CFAP54: variants seen among roughly 807,000 people sequenced by gnomAD.
CFAP54 encodes the protein cilia- and flagella-associated protein 54.
In CFAP54, 290 loss-of-function variants were observed where a neutral mutation model predicts 370.4. The observed-to-expected ratio is 0.78, with a 90% CI of 0.71 to 0.86. CFAP54 has a LOEUF of 0.86. Among genes scored for constraint, CFAP54 ranks in the 40% least tolerant of loss-of-function variants. The pLI is 0.00. For missense variants in CFAP54, 3,399 were observed against 3,528.7 expected (o/e 0.96, Z 0.93); for synonymous variants, 1,206 against 1,236.5 (o/e 0.98, Z 0.52).
chr12:96,788,315 C>T (rs1260392927), intron 62 of CFAP54, among the ~76,000 whole-genome samples: 6 of 152,066 alleles, frequency 3.9e-5, no homozygotes, highest in Admixed American at 2.0e-4. Flanking sequence ...TTTTCTGCTT[C>T]GTAGATACAG....
intron 23 of CFAP54, among the ~76,000 whole-genome samples, chr12:96,591,112 G>A (rs117662686): frequency 0.023 from 3,521 of 152,266 alleles, 67 homozygotes; most frequent in Non-Finnish European, 0.039. Context: ...TCCAGAAAAT[G>A]AAAGTCCAAG....
intron 32 of CFAP54, among the ~76,000 whole-genome samples, chr12:96,639,364 C>T (rs987130066): frequency 1.3e-5 from 2 of 152,148 alleles, no homozygotes; most frequent in Non-Finnish European, 2.9e-5. Flanking sequence ...ATACACTCTC[C>T]CAAGACTAAA....
rs746799817 is a variant in CFAP54, at chr12:96,651,831, T to C, written c.5100+16T>C. 3 of 1,457,828 alleles carry C rather than the reference T, an allele frequency of 2.1e-6. No homozygotes were observed. In the South Asian group the frequency reaches 3.5e-5, roughly 17 times the overall value. 90.3% of individuals were successfully genotyped at this position (1,457,828 alleles called of 1,614,324 possible). On this transcript the variant is annotated intron_variant, in intron 36 of 67. Coordinates refer to ENST00000524981, the MANE Select transcript of CFAP54 (RefSeq NM_001306084.2). ...TTCTATTAAGGTAAAGACACTTTGG[T>C]AATTATTTTTATTATATTCAGTTAA...
chr12:96,779,467 A>G (rs1452011458), intron 60 of CFAP54, among the ~76,000 whole-genome samples: 2 of 152,026 alleles, frequency 1.3e-5, no homozygotes. Flanking sequence ...ATATATTTGT[A>G]TGTGACATTT....
intron 50 of CFAP54, among the ~76,000 whole-genome samples, chr12:96,728,765 G>A (rs1957877250): frequency 6.6e-6 from 1 of 152,108 alleles, no homozygotes; most frequent in African/African-American, 2.4e-5. Flanking sequence ...GCTTTTTAGA[G>A]TTTCCAGTTT....
chr12:96,842,190 C>G (rs1171755531), intron 66 of CFAP54, among the ~76,000 whole-genome samples: 1 of 152,006 alleles, frequency 6.6e-6, no homozygotes. Flanking sequence ...TATATATATT[C>G]TTGATATTAT....
At chr12:96,494,264 T>A (rs1247820999) in intron 1 of CFAP54, among the ~76,000 whole-genome samples, 2 of 152,152 alleles carry the variant, frequency 1.3e-5, no homozygotes, top group African/African-American at 4.8e-5. Flanking sequence ...AGAGTTTGCA[T>A]TTATTCCATT....
intron 65 of CFAP54, among the ~76,000 whole-genome samples, chr12:96,819,576 C>T (rs1012610429): frequency 6.6e-6 from 1 of 152,146 alleles, no homozygotes; most frequent in African/African-American, 2.4e-5. Context: ...TTTCCCTTCT[C>T]TTCTATGTAT....
intron 38 of CFAP54, among the ~76,000 whole-genome samples, chr12:96,662,460 C>T (rs1957006079): frequency 1.3e-5 from 2 of 152,100 alleles, no homozygotes; most frequent in Admixed American, 6.6e-5. Context: ...CTGCCTTGGC[C>T]TCCCAGAGTG....
chr12:96,860,270 A>T (rs1217318989), intron 66 of CFAP54, among the ~76,000 whole-genome samples: 1 of 150,476 alleles, frequency 6.6e-6, no homozygotes, highest in Non-Finnish European at 1.5e-5. Flanking sequence ...TCTTTCCGTC[A>T]TTTTTGTTCT....
intron 48 of CFAP54, 33 bp from the exon 49 acceptor site, chr12:96,718,410 C>A: frequency 9.7e-7 from 1 of 1,027,918 alleles, no homozygotes; most frequent in Non-Finnish European, 1.5e-6. Context: ...CCATAGATAT[C>A]CTTGGTCCTT....
chr12:96,845,533 A>T (rs1269036803), intron 66 of CFAP54, among the ~76,000 whole-genome samples: 1 of 152,188 alleles, frequency 6.6e-6, no homozygotes, highest in Admixed American at 6.5e-5. Flanking sequence ...TGGGAGTACA[A>T]AGACCCAACC....
At chr12:96,663,054 T>C (rs191036546) in intron 38 of CFAP54, among the ~76,000 whole-genome samples, 13 of 152,312 alleles carry the variant, frequency 8.5e-5, no homozygotes, top group Admixed American at 8.5e-4. Context: ...GTAACAGTGT[T>C]TGGCACGTAA....
At chr12:96,732,110 T>TTGTGTGTGTG (rs34235358) in intron 50 of CFAP54, among the ~76,000 whole-genome samples, 1 of 148,886 alleles carries the variant, frequency 6.7e-6, no homozygotes, top group Non-Finnish European at 1.5e-5. Flanking sequence ...GTGTGTGTGT[T>TTGTGTGTGTG]TGTGTGTGTG....
At chr12:96,751,706 G>A (rs1266481825) in intron 55 of CFAP54, among the ~76,000 whole-genome samples, 2 of 152,072 alleles carry the variant, frequency 1.3e-5, no homozygotes, top group Non-Finnish European at 2.9e-5. Flanking sequence ...TAATTGTTGA[G>A]GTTAAGAGTG....
chr12:96,824,862 A>G (rs1378146923), intron 65 of CFAP54, among the ~76,000 whole-genome samples: 2 of 152,052 alleles, frequency 1.3e-5, no homozygotes, highest in East Asian at 1.9e-4. Flanking sequence ...TCTATTCTCT[A>G]TACAATAAAA....
At chr12:96,746,879 A>G (rs1021021989) in intron 55 of CFAP54, among the ~76,000 whole-genome samples, 3 of 152,166 alleles carry the variant, frequency 2.0e-5, no homozygotes, top group African/African-American at 7.2e-5. Flanking sequence ...ACATGCAAAT[A>G]CATTTCCTTA....
intron 26 of CFAP54, among the ~76,000 whole-genome samples, chr12:96,606,898 A>G (rs1366118049): frequency 6.6e-6 from 1 of 152,170 alleles, no homozygotes; most frequent in African/African-American, 2.4e-5. Flanking sequence ...GAACGTCCAT[A>G]TCTGCCTGCC....
At chr12:96,634,630 T>C (rs1956645474) in intron 32 of CFAP54, among the ~76,000 whole-genome samples, 1 of 152,178 alleles carries the variant, frequency 6.6e-6, no homozygotes, top group South Asian at 2.1e-4. Flanking sequence ...TTTCCTTTAA[T>C]GGGTTGTGCT....
Sources: allele counts gnomAD v4.1 joint callset (sites outside exome capture counted in the v4.1 genomes callset), GRCh38; gene constraint gnomAD v4.1.1; transcripts MANE v1.5; gene names NCBI Gene and HGNC (gene_info 2026-07-23, HGNC 2026-07-21).